The following IRAK2 variants were observed in gnomAD, a reference collection of about 807,000 sequenced individuals.
The protein encoded by IRAK2 is interleukin-1 receptor-associated kinase-like 2.
IRAK2 carries 57 observed loss-of-function variants against 72.0 expected under a neutral mutation model. That is an observed-to-expected ratio of 0.79 (90% confidence interval 0.64 to 0.99). The LOEUF (loss-of-function observed/expected upper bound fraction) is 0.99. IRAK2 is among the 50% of genes least tolerant of loss of function. The pLI, the probability that IRAK2 is intolerant of heterozygous loss-of-function variation, is 0.00. For synonymous variants in IRAK2, 293 were observed against 312.7 expected (o/e 0.94, Z 0.67); for missense variants, 790 against 794.4 (o/e 0.99, Z 0.07).
intron 3 of IRAK2, among the ~76,000 whole-genome samples, chr3:10,201,782 G>A (rs537036479): frequency 6.6e-6 from 1 of 152,190 alleles, no homozygotes; most frequent in Non-Finnish European, 1.5e-5. Flanking sequence ...CTCCTGAGTG[G>A]TGAGCCAGAG....
At chr3:10,192,873 C>A (rs765185846) in intron 2 of IRAK2, among the ~76,000 whole-genome samples, 1 of 152,126 alleles carries the variant, frequency 6.6e-6, no homozygotes, top group Non-Finnish European at 1.5e-5. Flanking sequence ...GAGCAGAGAT[C>A]GTGCCACTGT....
chr3:10,230,317 CA>C (rs1227748213), intron 10 of IRAK2, among the ~76,000 whole-genome samples: 7 of 151,458 alleles, frequency 4.6e-5, no homozygotes, highest in Admixed American at 4.6e-4. Context: ...TGTTTGTTAT[CA>C]TTTTTGGAGA....
chr3:10,209,775 T>C, intron 4 of IRAK2, 83 bp downstream of exon 4: 3 of 749,956 alleles, frequency 4.0e-6, no homozygotes, highest in Non-Finnish European at 4.1e-6. Context: ...TCTCTACCCC[T>C]TGAGACCAGT....
rs199994420 is a variant in IRAK2, at chr3:10,195,381, A to T, written c.278-4988A>T. 2.0e-5 allele frequency among the ~76,000 whole-genome samples: 3 copies of T among 152,148 alleles called. No homozygotes were observed. The East Asian group carries it at 5.8e-4, about 29-fold the overall frequency. ...AGCCCAGGCTGGGCAACATAGTGAG[A>T]TGCTGTCTCTACACAAAATTAAAAA... On this transcript the variant is annotated intron_variant, in intron 2 of 12. Transcript: ENST00000256458.
intron 2 of IRAK2, among the ~76,000 whole-genome samples, chr3:10,190,740 T>A (rs1448120975): frequency 1.3e-5 from 2 of 152,196 alleles, no homozygotes; most frequent in African/African-American, 4.8e-5. Context: ...ACTCAGATGA[T>A]GCATTAGCCA....
intron 6 of IRAK2, among the ~76,000 whole-genome samples, chr3:10,215,888 T>C (rs954074381): frequency 2.0e-5 from 3 of 152,098 alleles, no homozygotes; most frequent in African/African-American, 7.2e-5. Flanking sequence ...ATTCAGAAAA[T>C]GTGGGTAGTT....
At chr3:10,201,910 A>C (rs1697366506) in intron 3 of IRAK2, among the ~76,000 whole-genome samples, 1 of 152,186 alleles carries the variant, frequency 6.6e-6, no homozygotes, top group Admixed American at 6.5e-5. Flanking sequence ...TTTGAATCCT[A>C]GTGCTGCTGT....
intron 6 of IRAK2, among the ~76,000 whole-genome samples, chr3:10,216,116 C>T (rs1363017517): frequency 1.3e-5 from 2 of 152,142 alleles, no homozygotes; most frequent in Non-Finnish European, 2.9e-5. Context: ...GAGCCTGACC[C>T]AATCCAAGTG....
chr3:10,203,874 G>A (rs577656789), intron 3 of IRAK2, among the ~76,000 whole-genome samples: 19 of 152,142 alleles, frequency 1.2e-4, no homozygotes, highest in Non-Finnish European at 2.2e-4. Flanking sequence ...CACCTGCCTC[G>A]GCCTCTCAAA....
At chr3:10,224,714 TCCC>T (rs1426410690) in intron 9 of IRAK2, among the ~76,000 whole-genome samples, 27 of 3,432 alleles carry the variant, frequency 7.9e-3, no homozygotes, top group South Asian at 0.025. Flanking sequence ...GCACCCACCC[TCCC>T]ACCCACATAC....
chr3:10,229,540 T>TC (rs1177970648), intron 10 of IRAK2, among the ~76,000 whole-genome samples: 7 of 152,208 alleles, frequency 4.6e-5, no homozygotes, highest in Non-Finnish European at 8.8e-5. Flanking sequence ...CTAATTTCTG[T>TC]CCACATAGCT....
chr3:10,228,664 C>G (rs536676931), intron 10 of IRAK2, among the ~76,000 whole-genome samples: 9 of 152,212 alleles, frequency 5.9e-5, no homozygotes, highest in Non-Finnish European at 1.2e-4. Context: ...GGTCTCTTAT[C>G]ATGTTCTGTT....
chr3:10,222,900 T>A lies in IRAK2; in HGVS notation c.1209+69T>A, dbSNP rs115390032. ...TGTCCTTCCCACGGCTCCTTTGTAA[T>A]CACAGGATACGGTAGAGGCACACAG... is the stretch of plus-strand genomic sequence containing the variant. On this transcript the variant is annotated intron_variant, in intron 9 of 12. Transcript: ENST00000256458. The A allele has an allele frequency of 4.4e-4, 611 of 1,380,754 alleles. 4 individuals are homozygous for A. The African/African-American group carries it at 6.4e-3, about 14-fold the overall frequency. 85.5% of individuals were successfully genotyped at this position (1,380,754 alleles called of 1,614,324 possible).
At chr3:10,212,831 C>T (rs1215603633) in intron 4 of IRAK2, among the ~76,000 whole-genome samples, 1 of 142,330 alleles carries the variant, frequency 7.0e-6, no homozygotes, top group East Asian at 2.1e-4. Context: ...GTGGCGCGAT[C>T]TCGGCTCACT....
chr3:10,185,736 C>A (rs890173675), intron 2 of IRAK2, among the ~76,000 whole-genome samples: 5 of 151,098 alleles, frequency 3.3e-5, no homozygotes, highest in African/African-American at 1.2e-4. Context: ...TTAGGCCAGG[C>A]GTGGTGGCTC....
chr3:10,211,026 T>A (rs958742079), intron 4 of IRAK2, among the ~76,000 whole-genome samples: 1 of 151,394 alleles, frequency 6.6e-6, no homozygotes, highest in African/African-American at 2.4e-5. Context: ...GTTTGGCTAA[T>A]TTTTTTTTGT....
Position 10,164,981 on chromosome 3 carries a change from C to T in IRAK2, c.27C>T (p.Pro9=). 5.6e-6 allele frequency: 9 copies of T among 1,611,536 alleles called. No individual in the cohort carries two copies. The highest frequency in any genetic ancestry group is 7.6e-6 in the Non-Finnish European group (9 of 1,179,502). The change falls in exon 1 of 13, where the codon CCC becomes CCT. Residue 9 remains proline, a synonymous_variant. Transcript: ENST00000256458. ...TGGCCTGCTACATCTACCAGCTGCC[C>T]TCCTGGGTGCTGGACGACCTGTGCC... MACYIYQL[P]SWVLDDLCRN...
intron 1 of IRAK2, among the ~76,000 whole-genome samples, chr3:10,176,504 GTC>G (rs1222729324): frequency 6.6e-6 from 1 of 151,910 alleles, no homozygotes; most frequent in Non-Finnish European, 1.5e-5. Flanking sequence ...TTGAGACAGA[GTC>G]TCTCTCTGTC....
At chr3:10,234,697 C>T (rs759289339) in intron 11 of IRAK2, 38 bp downstream of exon 11, 9 of 1,569,516 alleles carry the variant, frequency 5.7e-6, no homozygotes, top group African/African-American at 4.1e-5. Flanking sequence ...GCCTGGGCCA[C>T]GCGTGGGTCC....
Sources: gnomAD v4.1 joint callset for allele counts (sites outside exome capture counted in the v4.1 genomes callset) on GRCh38, gnomAD v4.1.1 for gene constraint, MANE v1.5 for transcripts, NCBI Gene and HGNC (gene_info 2026-07-23, HGNC 2026-07-21) for gene names.